The following CCDC148 variants were observed in gnomAD, a reference collection of about 807,000 sequenced individuals.
CCDC148 encodes coiled-coil domain-containing protein 148.
CCDC148 carries 89 observed loss-of-function variants against 85.7 expected under a neutral mutation model. The observed-to-expected ratio is 1.04, with a 90% CI of 0.87 to 1.24. The LOEUF (loss-of-function observed/expected upper bound fraction) is 1.24. CCDC148 is among the 50% of genes most tolerant of loss of function. The probability of loss-of-function intolerance (pLI) is 0.00; values close to 1 mark genes in which losing one functional copy is unlikely to be tolerated. For missense variants in CCDC148, 692 were observed against 671.7 expected, an observed-to-expected ratio of 1.03 and a Z score of -0.33; for synonymous variants, 230 against 213.9, an observed-to-expected ratio of 1.08 and a Z score of -0.66.
Position 158,290,916 on chromosome 2 carries a change from C to T in CCDC148, c.1110+18517G>A, listed in dbSNP as rs1038279077. Among the ~76,000 whole-genome samples, 3 of 152,022 alleles carry T rather than the reference C, an allele frequency of 2.0e-5. No individual in the cohort carries two copies. The East Asian group carries it at 5.8e-4, about 29-fold the overall frequency. ...TCAATTCTTTGGCTCTTTCTTCTCC[C>T]TCACCCAGTTCTGCCCATTCAACTT... On this transcript the variant is annotated intron_variant, in intron 9 of 13. Coordinates refer to ENST00000283233, the MANE Select transcript of CCDC148 (RefSeq NM_138803.4).
chr2:158,339,624 A>G (rs1682568769), intron 5 of CCDC148, among the ~76,000 whole-genome samples: 1 of 152,170 alleles, frequency 6.6e-6, no homozygotes, highest in Non-Finnish European at 1.5e-5. Flanking sequence ...CAGGAAGGAA[A>G]TGTCAAAATA....
At chr2:158,288,558 T>A (rs1363047181) in intron 9 of CCDC148, 1 of 154,522 alleles carries the variant, frequency 6.5e-6, no homozygotes, top group Admixed American at 6.5e-5. Context: ...CCCAATAAGT[T>A]CCTCATCTCC....
chr2:158,433,873 T>G (rs1687500761), intron 1 of CCDC148, among the ~76,000 whole-genome samples: 1 of 152,228 alleles, frequency 6.6e-6, no homozygotes, highest in Non-Finnish European at 1.5e-5. Flanking sequence ...CCTCGCTCAC[T>G]GCTAGCACAG....
intron 1 of CCDC148, among the ~76,000 whole-genome samples, chr2:158,396,175 G>A (rs948673895): frequency 6.6e-6 from 1 of 152,036 alleles, no homozygotes; most frequent in African/African-American, 2.4e-5. Context: ...ACAGTGTTTT[G>A]TTTAGCTTTT....
intron 11 of CCDC148, among the ~76,000 whole-genome samples, chr2:158,217,859 G>A (rs16842773): frequency 0.018 from 2,704 of 152,242 alleles, 62 homozygotes; most frequent in African/African-American, 0.053. Flanking sequence ...GAAAAAAAGT[G>A]TCCGTAGTTA....
chr2:158,305,686 C>T (rs1049343619), intron 9 of CCDC148, among the ~76,000 whole-genome samples: 1 of 146,904 alleles, frequency 6.8e-6, no homozygotes, highest in Admixed American at 7.0e-5. Context: ...CCTGGGACAT[C>T]TGGGCTGCAA....
intron 1 of CCDC148, among the ~76,000 whole-genome samples, chr2:158,395,060 T>G (rs966716239): frequency 2.6e-5 from 4 of 152,156 alleles, no homozygotes; most frequent in African/African-American, 4.8e-5. Context: ...GATAATAGTT[T>G]TATTTTAGAA....
chr2:158,423,386 T>C (rs1333805118), intron 1 of CCDC148, among the ~76,000 whole-genome samples: 7 of 151,512 alleles, frequency 4.6e-5, no homozygotes, highest in African/African-American at 9.7e-5. Flanking sequence ...AACAGAGATA[T>C]AGACCAATGG....
At chr2:158,255,750 A>G (rs563760533) in intron 9 of CCDC148, among the ~76,000 whole-genome samples, 1 of 151,900 alleles carries the variant, frequency 6.6e-6, no homozygotes, top group East Asian at 1.9e-4. Flanking sequence ...ACAATGTAAC[A>G]ATAATAATCA....
chr2:158,213,235 G>A (rs1012521506), intron 11 of CCDC148, among the ~76,000 whole-genome samples: 5 of 152,196 alleles, frequency 3.3e-5, no homozygotes, highest in Middle Eastern at 3.4e-3. Flanking sequence ...CCCAACTTCA[G>A]TTTTTTTGGT....
At chr2:158,180,751 T>G (rs1020073293) in intron 11 of CCDC148, among the ~76,000 whole-genome samples, 1 of 152,052 alleles carries the variant, frequency 6.6e-6, no homozygotes, top group African/African-American at 2.4e-5. Context: ...AGAAACAGGT[T>G]GCTCATGAGT....
At chr2:158,347,771 A>C (rs761049107) in intron 2 of CCDC148, among the ~76,000 whole-genome samples, 2 of 152,134 alleles carry the variant, frequency 1.3e-5, no homozygotes, top group Non-Finnish European at 2.9e-5. Flanking sequence ...CTTTTGAGAC[A>C]GACGTCAATA....
intron 9 of CCDC148, among the ~76,000 whole-genome samples, chr2:158,271,145 T>G (rs945257850): frequency 1.3e-5 from 2 of 152,184 alleles, no homozygotes; most frequent in Non-Finnish European, 2.9e-5. Flanking sequence ...TTTCATCATC[T>G]AATAGATTTA....
intron 1 of CCDC148, among the ~76,000 whole-genome samples, chr2:158,397,042 C>G (rs1034744370): frequency 6.6e-6 from 1 of 151,866 alleles, no homozygotes; most frequent in Admixed American, 6.6e-5. Context: ...CAGGGATGTA[C>G]GGTGCAAAAT....
At chr2:158,265,067 T>C (rs1445062541) in intron 9 of CCDC148, among the ~76,000 whole-genome samples, 2 of 152,178 alleles carry the variant, frequency 1.3e-5, no homozygotes, top group Non-Finnish European at 2.9e-5. Flanking sequence ...TAAAATTCTA[T>C]ACTATTCCTC....
intron 1 of CCDC148, among the ~76,000 whole-genome samples, chr2:158,411,087 T>C (rs6437174): frequency 0.36 from 54,134 of 152,028 alleles, 11,128 homozygotes; most frequent in East Asian, 0.61. Flanking sequence ...AGTTCTCTTA[T>C]ATGTGATTCC....
chr2:158,313,172 G>T (rs1276606516), intron 8 of CCDC148, among the ~76,000 whole-genome samples: 3 of 152,188 alleles, frequency 2.0e-5, no homozygotes, highest in African/African-American at 7.2e-5. Context: ...ACTAAAGAAT[G>T]AAACAATAAA....
intron 1 of CCDC148, among the ~76,000 whole-genome samples, chr2:158,386,478 A>G (rs1685091905): frequency 6.6e-6 from 1 of 152,142 alleles, no homozygotes; most frequent in Admixed American, 6.5e-5. Flanking sequence ...ATGTGGTTGC[A>G]ATGCAGATTA....
intron 11 of CCDC148, among the ~76,000 whole-genome samples, chr2:158,200,129 G>A (rs750232052): frequency 2.4e-4 from 36 of 152,126 alleles, no homozygotes; most frequent in Non-Finnish European, 4.9e-4. Context: ...AGAGTTTGGT[G>A]GTGCATGTTT....
Sources: gnomAD v4.1 joint callset for allele counts (sites outside exome capture counted in the v4.1 genomes callset) on GRCh38, gnomAD v4.1.1 for gene constraint, MANE v1.5 for transcripts, NCBI Gene and HGNC (gene_info 2026-07-23, HGNC 2026-07-21) for gene names.